LDLRAD4: variants seen among roughly 807,000 people sequenced by gnomAD.
LDLRAD4 encodes low-density lipoprotein receptor class A domain-containing protein 4.
In LDLRAD4, 5 loss-of-function variants were observed where a neutral mutation model predicts 17.0. That is an observed-to-expected ratio of 0.29 (90% CI 0.15 to 0.62). LDLRAD4 has a LOEUF of 0.62. LDLRAD4 is among the 20% of genes least tolerant of loss of function. The pLI, the probability that LDLRAD4 is intolerant of heterozygous loss-of-function variation, is 0.84. For missense variants in LDLRAD4, 340 were observed against 424.7 expected, an observed-to-expected ratio of 0.80 and a Z score of 1.75; for synonymous variants, 168 against 171.8, an observed-to-expected ratio of 0.98 and a Z score of 0.17.
intron 3 of LDLRAD4, among the ~76,000 whole-genome samples, chr18:13,495,767 G>A (rs1046154614): frequency 2.0e-5 from 3 of 152,232 alleles, no homozygotes; most frequent in Non-Finnish European, 2.9e-5. Context: ...TACTAATTTT[G>A]TACTGAGATG....
At chr18:13,255,814 T>C (rs1239677052) in intron 1 of LDLRAD4, among the ~76,000 whole-genome samples, 2 of 152,012 alleles carry the variant, frequency 1.3e-5, no homozygotes, top group Non-Finnish European at 2.9e-5. Context: ...CCGAGGGAGA[T>C]GTGGTGCGTC....
intron 1 of LDLRAD4, among the ~76,000 whole-genome samples, chr18:13,317,447 T>A (rs1213468665): frequency 6.6e-6 from 1 of 152,230 alleles, no homozygotes; most frequent in Non-Finnish European, 1.5e-5. Context: ...TTTGATGGAC[T>A]TACAGATAAG....
intron 3 of LDLRAD4, among the ~76,000 whole-genome samples, chr18:13,596,825 G>C (rs2095101972): frequency 6.6e-6 from 1 of 152,106 alleles, no homozygotes; most frequent in Non-Finnish European, 1.5e-5. Flanking sequence ...GTACAGCTTT[G>C]CTCCCACTCA....
chr18:13,446,769 G>C (rs1379230699), intron 3 of LDLRAD4, among the ~76,000 whole-genome samples: 1 of 152,230 alleles, frequency 6.6e-6, no homozygotes, highest in Non-Finnish European at 1.5e-5. Flanking sequence ...CACCTGCTGC[G>C]GGCGCCAAGA....
intron 1 of LDLRAD4, among the ~76,000 whole-genome samples, chr18:13,238,503 A>C (rs2042448771): frequency 6.6e-6 from 1 of 152,016 alleles, no homozygotes. Flanking sequence ...TTTTACATCT[A>C]CTCTGTGCTC....
chr18:13,265,701 A>G (rs1055267176), intron 1 of LDLRAD4, among the ~76,000 whole-genome samples: 6 of 151,982 alleles, frequency 3.9e-5, no homozygotes, highest in African/African-American at 1.5e-4. Context: ...TCACTCAGTC[A>G]CACCTGGCCC....
At chr18:13,643,451 G>C in intron 5 of LDLRAD4, 39 bp downstream of exon 6, 1 of 482,690 alleles carries the variant, frequency 2.1e-6, no homozygotes. Flanking sequence ...GGGGGGCGGG[G>C]GGGGTGGGTG....
At chr18:13,549,795 T>A (rs898015110) in intron 3 of LDLRAD4, among the ~76,000 whole-genome samples, 2 of 152,156 alleles carry the variant, frequency 1.3e-5, no homozygotes, top group Non-Finnish European at 1.5e-5. Flanking sequence ...CATTTGGTTG[T>A]CTTGCTTCCT....
At chr18:13,610,011 G>T (rs1373446485) in intron 3 of LDLRAD4, among the ~76,000 whole-genome samples, 2 of 151,960 alleles carry the variant, frequency 1.3e-5, no homozygotes, top group East Asian at 3.8e-4. Context: ...AAAAAGATTG[G>T]CTCCCATGGC....
chr18:13,332,677 C>A (rs568501641), intron 1 of LDLRAD4, among the ~76,000 whole-genome samples: 1 of 151,678 alleles, frequency 6.6e-6, no homozygotes, highest in South Asian at 2.1e-4. Context: ...AGAGTAGCTT[C>A]TTCATTTAGT....
chr18:13,609,609 TTTTGAAAG>T (rs1476793928), intron 3 of LDLRAD4, among the ~76,000 whole-genome samples: 2 of 152,046 alleles, frequency 1.3e-5, no homozygotes, highest in African/African-American at 4.8e-5. Flanking sequence ...AAGTCAAAAG[TTTTGAAAG>T]TGGTTTTTAA....
chr18:13,347,792 C>T (rs185845091), intron 1 of LDLRAD4, among the ~76,000 whole-genome samples: 1 of 152,066 alleles, frequency 6.6e-6, no homozygotes, highest in African/African-American at 2.4e-5. Context: ...TTTTTCTCTA[C>T]ACTTCTCTTC....
chr18:13,588,914 CTTTTTTTTTTCTTTTTTTCT>C (rs1456802891), intron 3 of LDLRAD4, among the ~76,000 whole-genome samples: 5 of 146,968 alleles, frequency 3.4e-5, no homozygotes, highest in African/African-American at 1.0e-4. Flanking sequence ...TTTTCCTTTT[CTTTTTTTTTTCTTTTTTTCT>C]TTTTTTTTTT....
chr18:13,254,292 A>C (rs2043385784), intron 1 of LDLRAD4, among the ~76,000 whole-genome samples: 1 of 152,218 alleles, frequency 6.6e-6, no homozygotes, highest in South Asian at 2.1e-4. Flanking sequence ...CCCCAGGTGG[A>C]CTCAGGGTTT....
At chr18:13,415,396 T>G (rs1055852946) in intron 2 of LDLRAD4, among the ~76,000 whole-genome samples, 1 of 151,392 alleles carries the variant, frequency 6.6e-6, no homozygotes, top group African/African-American at 2.4e-5. Context: ...TAGCACATAG[T>G]GCGCCTGAGC....
intron 1 of LDLRAD4, among the ~76,000 whole-genome samples, chr18:13,282,112 A>G (rs1276636591): frequency 6.6e-6 from 1 of 152,210 alleles, no homozygotes; most frequent in African/African-American, 2.4e-5. Context: ...AGTATGGGAA[A>G]GACTGGCCCC....
chr18:13,233,063 G>A (rs769729426), intron 1 of LDLRAD4, among the ~76,000 whole-genome samples: 3 of 152,220 alleles, frequency 2.0e-5, no homozygotes, highest in East Asian at 3.9e-4. Flanking sequence ...GACTCTAGAC[G>A]ATGGCAGAGG....
rs76715262 is a variant in LDLRAD4, at chr18:13,425,120, G to A, written c.41-13124G>A. Among the ~76,000 whole-genome samples, 937 of 152,264 alleles carry A rather than the reference G, an allele frequency of 6.2e-3. 7 individuals carry two copies. Among genetic ancestry groups the A allele is most frequent in the African/African-American group, 0.021 (891 of 41,548 alleles). On this transcript the variant is annotated intron_variant, in intron 2 of 5. Coordinates refer to ENST00000359446, the Ensembl canonical transcript of LDLRAD4. ...TACTGTGAACATTCCTTGTATTCAG[G>A]AGAACTTACATTCTAGCGATTGAAG...
chr18:13,285,563 G>A (rs1460677010), intron 1 of LDLRAD4, among the ~76,000 whole-genome samples: 1 of 152,208 alleles, frequency 6.6e-6, no homozygotes, highest in Non-Finnish European at 1.5e-5. Context: ...GCTTCGTGGC[G>A]ATGCTGGGTT....
Sources: gnomAD v4.1 joint callset for allele counts (sites outside exome capture counted in the v4.1 genomes callset) on GRCh38, gnomAD v4.1.1 for gene constraint, MANE v1.5 for transcripts, NCBI Gene and HGNC (gene_info 2026-07-23, HGNC 2026-07-21) for gene names.